Variants in DPP10 observed in about 807,000 individuals in gnomAD.
DPP10 encodes dipeptidyl peptidase like 10.
In DPP10, 33 loss-of-function variants were observed where a neutral mutation model predicts 120.9. The observed-to-expected ratio is 0.27, with a 90% CI of 0.21 to 0.37. The LOEUF is 0.37. Ranked by LOEUF, DPP10 falls within the 10% of genes least tolerant of loss-of-function variation. The pLI is 1.00. For missense variants in DPP10, 816 were observed against 942.8 expected, an observed-to-expected ratio of 0.87 and a Z score of 1.76; for synonymous variants, 337 against 326.1, an observed-to-expected ratio of 1.03 and a Z score of -0.36.
At chr2:114,507,520 A>G (rs1243892406) in intron 1 of DPP10, among the ~76,000 whole-genome samples, 1 of 152,188 alleles carries the variant, frequency 6.6e-6, no homozygotes, top group Non-Finnish European at 1.5e-5. Context: ...CAGAAACAAC[A>G]TGATTCATAT....
At chr2:115,315,091 G>C (rs1474384404) in intron 2 of DPP10, among the ~76,000 whole-genome samples, 1 of 151,824 alleles carries the variant, frequency 6.6e-6, no homozygotes, top group Non-Finnish European at 1.5e-5. Context: ...AATTGACCTT[G>C]GTATTCGACT....
chr2:115,305,881 A>G (rs1466077724), intron 1 of DPP10, among the ~76,000 whole-genome samples: 1 of 152,066 alleles, frequency 6.6e-6, no homozygotes, highest in Non-Finnish European at 1.5e-5. Context: ...ACCATTCACC[A>G]TCATCATTAT....
chr2:115,693,299 A>G (rs996550863), intron 7 of DPP10, among the ~76,000 whole-genome samples: 8 of 152,162 alleles, frequency 5.3e-5, no homozygotes, highest in African/African-American at 1.4e-4. Context: ...CATGTAATCA[A>G]TGAAACATTC....
chr2:115,804,147 T>C (rs1397384966), intron 19 of DPP10, among the ~76,000 whole-genome samples: 2 of 152,204 alleles, frequency 1.3e-5, no homozygotes, highest in Non-Finnish European at 2.9e-5. Flanking sequence ...TTCTTTTTTC[T>C]CTAAACTTCT....
chr2:115,549,511 G>GC (rs1395826229), intron 5 of DPP10, among the ~76,000 whole-genome samples: 1 of 152,040 alleles, frequency 6.6e-6, no homozygotes, highest in Non-Finnish European at 1.5e-5. Context: ...TTCTGTCACT[G>GC]CACTCTTTTA....
At chr2:115,269,716 C>G (rs1448705834) in intron 1 of DPP10, among the ~76,000 whole-genome samples, 1 of 152,122 alleles carries the variant, frequency 6.6e-6, no homozygotes, top group Admixed American at 6.6e-5. Flanking sequence ...TTGGAAGGGA[C>G]ATTCCATCAC....
chr2:115,493,985 T>C (rs978570310), intron 3 of DPP10, among the ~76,000 whole-genome samples: 2 of 152,160 alleles, frequency 1.3e-5, no homozygotes, highest in African/African-American at 4.8e-5. Context: ...AGTCTCACTC[T>C]GTTGCCAGGC....
intron 1 of DPP10, among the ~76,000 whole-genome samples, chr2:115,071,768 C>T (rs564769068): frequency 3.3e-5 from 5 of 151,946 alleles, no homozygotes; most frequent in South Asian, 2.1e-4. Context: ...GGCAGGGAAG[C>T]GATGTTCACA....
chr2:115,305,328 T>C (rs945732303), intron 1 of DPP10, among the ~76,000 whole-genome samples: 1 of 152,068 alleles, frequency 6.6e-6, no homozygotes, highest in East Asian at 1.9e-4. Flanking sequence ...TAGAAAGCCA[T>C]CAAAAACAAA....
intron 1 of DPP10, among the ~76,000 whole-genome samples, chr2:114,598,009 T>C (rs1204017020): frequency 6.6e-6 from 1 of 151,958 alleles, no homozygotes; most frequent in East Asian, 1.9e-4. Context: ...AAGGGAGACA[T>C]GTTCTGTTGC....
chr2:115,149,672 A>G (rs937915555), intron 1 of DPP10, among the ~76,000 whole-genome samples: 5 of 152,086 alleles, frequency 3.3e-5, no homozygotes, highest in African/African-American at 9.7e-5. Context: ...CACTTTTCTA[A>G]GAAATTCTGT....
chr2:114,478,793 T>G (rs1680754820), intron 1 of DPP10, among the ~76,000 whole-genome samples: 1 of 151,142 alleles, frequency 6.6e-6, no homozygotes, highest in Admixed American at 6.6e-5. Context: ...CATACAACAA[T>G]CAAAATTTGA....
intron 1 of DPP10, among the ~76,000 whole-genome samples, chr2:114,881,502 G>A (rs62165251): frequency 1.2e-5 from 1 of 84,438 alleles, no homozygotes; most frequent in African/African-American, 3.9e-5. Flanking sequence ...ATATCTCTCT[G>A]TCTGTCTGTC....
chr2:114,901,865 ACAAT>A (rs945932962), intron 1 of DPP10, among the ~76,000 whole-genome samples: 33 of 152,218 alleles, frequency 2.2e-4, no homozygotes, highest in African/African-American at 5.3e-4. Context: ...AAGACAAAGC[ACAAT>A]CAAAGTAACA....
At chr2:115,394,241 A>G (rs2067512798) in intron 3 of DPP10, among the ~76,000 whole-genome samples, 1 of 152,230 alleles carries the variant, frequency 6.6e-6, no homozygotes, top group African/African-American at 2.4e-5. Context: ...CCTCTTAACA[A>G]TGAAGGACAA....
chr2:114,554,480 G>A (rs181046102), intron 1 of DPP10, among the ~76,000 whole-genome samples: 11 of 152,312 alleles, frequency 7.2e-5, no homozygotes, highest in Middle Eastern at 3.4e-3. Flanking sequence ...TTTCAGAATC[G>A]TATAGAAGAT....
intron 1 of DPP10, among the ~76,000 whole-genome samples, chr2:115,018,019 GA>G (rs1702789796): frequency 1.3e-5 from 2 of 151,112 alleles, no homozygotes; most frequent in Non-Finnish European, 3.0e-5. Flanking sequence ...AAAAAAAAGA[GA>G]AAAACAACCC....
intron 1 of DPP10, among the ~76,000 whole-genome samples, chr2:114,607,920 C>T (rs1212303739): frequency 6.6e-6 from 1 of 152,152 alleles, no homozygotes; most frequent in East Asian, 1.9e-4. Flanking sequence ...CTTGTCCATC[C>T]AGTGCAGGGG....
intron 8 of DPP10, among the ~76,000 whole-genome samples, chr2:115,737,905 C>T (rs568189973): frequency 8.2e-4 from 125 of 152,222 alleles, no homozygotes; most frequent in African/African-American, 2.8e-3. Flanking sequence ...ATTTGTCTCC[C>T]TTTCTCTACC....
Sources: allele counts gnomAD v4.1 joint callset (sites outside exome capture counted in the v4.1 genomes callset), GRCh38; gene constraint gnomAD v4.1.1; transcripts MANE v1.5; gene names NCBI Gene and HGNC (gene_info 2026-07-23, HGNC 2026-07-21).